The following DOCK9 variants were observed in gnomAD, a reference collection of about 807,000 sequenced individuals.
DOCK9 encodes dedicator of cytokinesis protein 9.
In DOCK9, 89 loss-of-function variants were observed where a neutral mutation model predicts 263.3. That is an observed-to-expected ratio of 0.34 (90% CI 0.28 to 0.40). The LOEUF (loss-of-function observed/expected upper bound fraction) is 0.40. Among genes scored for constraint, DOCK9 ranks in the 10% least tolerant of loss-of-function variants. The pLI, the probability that DOCK9 is intolerant of heterozygous loss-of-function variation, is 1.00. For synonymous variants in DOCK9, 976 were observed against 973.1 expected (o/e 1.00, Z -0.06); for missense variants, 2,140 against 2,603.4 (o/e 0.82, Z 3.87).
chr13:98,807,513 G>T (rs1173642057), intron 48 of DOCK9, 148 bp downstream of exon 48: 3 of 599,956 alleles, frequency 5.0e-6, no homozygotes, highest in Non-Finnish European at 7.5e-6. Flanking sequence ...AAGCACTAAA[G>T]GTATCAGGAA....
At chr13:98,957,005 GT>G (rs2058133155) in intron 1 of DOCK9, among the ~76,000 whole-genome samples, 1 of 152,148 alleles carries the variant, frequency 6.6e-6, no homozygotes, top group Non-Finnish European at 1.5e-5. Context: ...GCCTCCTTGT[GT>G]TTTGGTGCAC....
intron 32 of DOCK9, among the ~76,000 whole-genome samples, chr13:98,862,632 T>G (rs1201785762): frequency 2.0e-5 from 3 of 151,068 alleles, no homozygotes; most frequent in Non-Finnish European, 2.9e-5. Flanking sequence ...GAGGTTGCAG[T>G]GAGCCCAGAT....
At position 99,049,963 on chromosome 13, in the gene DOCK9, A is replaced by T. The variant is rs999091202; in HGVS notation, c.129+36260T>A. On this transcript the variant is annotated intron_variant, in intron 1 of 32. Transcript: ENST00000427887. ...TCTCCTAGGCCAACATCTTCATGACATCTAAAAATACAAGAAGCAATTATG... is the reference window on the plus strand; with the variant it reads ...TCTCCTAGGCCAACATCTTCATGACTTCTAAAAATACAAGAAGCAATTATG... Among the ~76,000 whole-genome samples the T allele has an allele frequency of 3.9e-5, 6 of 152,386 alleles. No individual in the cohort carries two copies. In the South Asian group the frequency reaches 1.2e-3, roughly 32 times the overall value.
intron 2 of DOCK9, among the ~76,000 whole-genome samples, chr13:98,931,822 T>C (rs2053992864): frequency 6.6e-6 from 1 of 150,972 alleles, no homozygotes; most frequent in South Asian, 2.1e-4. Context: ...GGTCTCAAAC[T>C]CCTGAACTCA....
intron 1 of DOCK9, among the ~76,000 whole-genome samples, chr13:99,032,876 C>A (rs767950767): frequency 1.3e-5 from 2 of 152,090 alleles, no homozygotes; most frequent in Non-Finnish European, 2.9e-5. Flanking sequence ...TAAAAATTAA[C>A]AGAAATCAGG....
chr13:99,052,002 T>C (rs956770389), intron 1 of DOCK9, among the ~76,000 whole-genome samples: 3 of 151,986 alleles, frequency 2.0e-5, no homozygotes, highest in Non-Finnish European at 4.4e-5. Context: ...AGACATGCAA[T>C]GAGCAACAGA....
intron 45 of DOCK9, among the ~76,000 whole-genome samples, chr13:98,815,828 G>C (rs1043945125): frequency 7.9e-5 from 12 of 152,124 alleles, no homozygotes; most frequent in African/African-American, 2.4e-4. Context: ...CCACTAGTAA[G>C]CCATGGTCCA....
At chr13:98,809,825 G>A (rs2091132597) in intron 46 of DOCK9, among the ~76,000 whole-genome samples, 1 of 152,196 alleles carries the variant, frequency 6.6e-6, no homozygotes, top group Non-Finnish European at 1.5e-5. Flanking sequence ...GGACGGAAGG[G>A]ACACCATTTT....
Position 98,930,386 on chromosome 13 carries a change from G to C in DOCK9, c.244-129C>G, listed in dbSNP as rs933490903. 6 of 737,298 alleles carry C rather than the reference G, an allele frequency of 8.1e-6. No individual in the cohort carries two copies. The African/African-American group carries it at 1.1e-4, about 13-fold the overall frequency. 45.7% of individuals were successfully genotyped at this position (737,298 alleles called of 1,614,324 possible). The stretch of plus-strand genomic sequence containing the variant: ...GTCCCTCCAGTTTCTCCCATCCAGT[G>C]CAGCTGCCTCCTTCCGTCACACACA... On this transcript the variant is annotated intron_variant, in intron 2 of 52. Coordinates refer to ENST00000682017, the MANE Select transcript of DOCK9 (RefSeq NM_001366683.2).
chr13:98,973,350 T>C (rs2059923787), intron 1 of DOCK9, among the ~76,000 whole-genome samples: 1 of 152,082 alleles, frequency 6.6e-6, no homozygotes, highest in African/African-American at 2.4e-5. Flanking sequence ...ATAGGAAAGA[T>C]TTTCTAGTCT....
intron 12 of DOCK9, 91 bp from the exon 13 acceptor site, chr13:98,901,991 A>G: frequency 6.8e-7 from 1 of 1,479,650 alleles, no homozygotes; most frequent in East Asian, 2.4e-5. Flanking sequence ...ACAGTGAAAC[A>G]GGACAACTAG....
chr13:98,888,916 A>G (rs1392960193), intron 15 of DOCK9, among the ~76,000 whole-genome samples: 1 of 152,230 alleles, frequency 6.6e-6, no homozygotes, highest in African/African-American at 2.4e-5. Flanking sequence ...CCAAAATATT[A>G]CCATGTCAGT....
At chr13:99,020,085 G>A (rs1885899663) in intron 1 of DOCK9, among the ~76,000 whole-genome samples, 1 of 152,224 alleles carries the variant, frequency 6.6e-6, no homozygotes, top group Non-Finnish European at 1.5e-5. Flanking sequence ...CTAGGTGATA[G>A]AGTGAGACTC....
At chr13:98,978,883 A>C (rs1876115295), upstream of DOCK9, among the ~76,000 whole-genome samples, 1 of 152,126 alleles carries the variant, frequency 6.6e-6, no homozygotes, top group South Asian at 2.1e-4. Context: ...GTAGCACCCA[A>C]AATATGTGTT....
At chr13:98,940,942 C>T (rs1421986395) in intron 2 of DOCK9, among the ~76,000 whole-genome samples, 11 of 152,132 alleles carry the variant, frequency 7.2e-5, no homozygotes, top group Non-Finnish European at 1.3e-4. Context: ...CTTTCAGTGA[C>T]GCCTCATTGC....
chr13:98,953,365 T>C (rs2057668346), intron 2 of DOCK9, among the ~76,000 whole-genome samples: 1 of 152,230 alleles, frequency 6.6e-6, no homozygotes, highest in African/African-American at 2.4e-5. Flanking sequence ...CCAGAGTAGT[T>C]AAAAGCAAAG....
chr13:98,809,590 T>C (rs2091103564), intron 46 of DOCK9, 125 bp from the exon 47 acceptor site: 2 of 762,158 alleles, frequency 2.6e-6, no homozygotes, highest in African/African-American at 1.8e-5. Context: ...CACACACATT[T>C]TGGCTGCACA....
intron 52 of DOCK9, among the ~76,000 whole-genome samples, chr13:98,796,439 T>C (rs989378433): frequency 3.3e-5 from 5 of 152,116 alleles, no homozygotes; most frequent in African/African-American, 1.2e-4. Context: ...GAAAGGACAG[T>C]GACTGAGACA....
At chr13:98,984,394 T>C (rs1877956928) in intron 1 of DOCK9, among the ~76,000 whole-genome samples, 1 of 152,206 alleles carries the variant, frequency 6.6e-6, no homozygotes, top group South Asian at 2.1e-4. Flanking sequence ...CTAATGCCAG[T>C]TGGACAACTC....
Sources: gnomAD v4.1 joint callset for allele counts (sites outside exome capture counted in the v4.1 genomes callset) on GRCh38, gnomAD v4.1.1 for gene constraint, MANE v1.5 for transcripts, NCBI Gene and HGNC (gene_info 2026-07-23, HGNC 2026-07-21) for gene names.